ELP4: variants seen among roughly 807,000 people sequenced by gnomAD.
The protein encoded by ELP4 is elongator acetyltransferase complex subunit 4.
A neutral mutation model predicts 48.9 loss-of-function variants in ELP4; 51 were observed. The observed-to-expected ratio is 1.04, with a 90% CI of 0.83 to 1.32. The LOEUF (loss-of-function observed/expected upper bound fraction) is 1.32, where lower values mean the gene tolerates loss of function less well. Among genes scored for constraint, ELP4 ranks in the 40% most tolerant of loss-of-function variants. ELP4 has a pLI of 0.00. For synonymous variants in ELP4, 210 were observed against 189.2 expected, an observed-to-expected ratio of 1.11 and a Z score of -0.90; for missense variants, 519 against 514.6, an observed-to-expected ratio of 1.01 and a Z score of -0.08.
intron 9 of ELP4, among the ~76,000 whole-genome samples, chr11:31,748,044 C>G (rs1293072590): frequency 6.6e-6 from 1 of 152,102 alleles, no homozygotes; most frequent in Non-Finnish European, 1.5e-5. Context: ...ATATGCAAAA[C>G]AGAATATTTT....
chr11:31,689,332 C>T (rs1225005346), intron 9 of ELP4: 1 of 151,540 alleles, frequency 6.6e-6, no homozygotes, highest in East Asian at 1.9e-4. Flanking sequence ...GTCCCATCTA[C>T]TCAGAAGGCT....
chr11:31,702,498 A>G (rs1256239165), intron 9 of ELP4, among the ~76,000 whole-genome samples: 1 of 152,114 alleles, frequency 6.6e-6, no homozygotes, highest in African/African-American at 2.4e-5. Context: ...TTAAATGTAC[A>G]GTTCAGTACT....
chr11:31,584,401 G>A (rs1321510359), intron 3 of ELP4, among the ~76,000 whole-genome samples: 1 of 151,962 alleles, frequency 6.6e-6, no homozygotes, highest in Non-Finnish European at 1.5e-5. Context: ...ATTATTAGCA[G>A]TAACATTAAT....
chr11:31,584,687 G>T (rs183935226), intron 3 of ELP4, among the ~76,000 whole-genome samples: 4 of 151,826 alleles, frequency 2.6e-5, no homozygotes, highest in Non-Finnish European at 5.9e-5. Context: ...GCCATTTTTT[G>T]TATTTTTTTG....
intron 2 of ELP4, among the ~76,000 whole-genome samples, chr11:31,534,469 C>T (rs1956467484): frequency 6.6e-6 from 1 of 152,010 alleles, no homozygotes; most frequent in South Asian, 2.1e-4. Flanking sequence ...CTAAAAGCTG[C>T]ATGAAAAGTC....
chr11:31,541,906 A>G (rs1956596865), intron 3 of ELP4, among the ~76,000 whole-genome samples: 1 of 152,376 alleles, frequency 6.6e-6, no homozygotes, highest in Non-Finnish European at 1.5e-5. Context: ...AGACTTAGTC[A>G]TACAATAATT....
intron 3 of ELP4, among the ~76,000 whole-genome samples, chr11:31,570,145 T>C (rs1300674232): frequency 6.6e-6 from 1 of 152,096 alleles, no homozygotes; most frequent in Non-Finnish European, 1.5e-5. Flanking sequence ...ATAAAGAAAA[T>C]GTAATACATA....
chr11:31,647,202 T>G (rs1033817463), intron 7 of ELP4: 1 of 151,780 alleles, frequency 6.6e-6, no homozygotes, highest in African/African-American at 2.4e-5. Flanking sequence ...CTAGCCATGT[T>G]GCAGTCTCTT....
intron 9 of ELP4, among the ~76,000 whole-genome samples, chr11:31,661,073 A>G (rs1945545496): frequency 6.6e-6 from 1 of 152,094 alleles, no homozygotes; most frequent in Admixed American, 6.6e-5. Flanking sequence ...ATAATGAAAT[A>G]TATTTGTTCA....
At chr11:31,606,167 T>C (rs1009912135) in intron 5 of ELP4, among the ~76,000 whole-genome samples, 5 of 152,178 alleles carry the variant, frequency 3.3e-5, no homozygotes, top group African/African-American at 1.2e-4. Context: ...TAACTGATAA[T>C]TCATTTATTT....
At chr11:31,525,445 C>A (rs1956281696) in intron 2 of ELP4, among the ~76,000 whole-genome samples, 1 of 151,832 alleles carries the variant, frequency 6.6e-6, no homozygotes, top group Admixed American at 6.6e-5. Context: ...ATATAACATG[C>A]CGATATAAGG....
chr11:31,637,691 G>C (rs1433112419), intron 7 of ELP4, among the ~76,000 whole-genome samples: 1 of 151,894 alleles, frequency 6.6e-6, no homozygotes, highest in Non-Finnish European at 1.5e-5. Flanking sequence ...AGCAAGATAT[G>C]AAACAATAAT....
chr11:31,711,133 A>G (rs1311911374), intron 9 of ELP4, among the ~76,000 whole-genome samples: 3 of 152,226 alleles, frequency 2.0e-5, no homozygotes, highest in Non-Finnish European at 2.9e-5. Flanking sequence ...TTACGCTTGG[A>G]TGATACATAA....
At chr11:31,682,116 C>A in intron 9 of ELP4, 1 of 1,214,128 alleles carries the variant, frequency 8.2e-7, no homozygotes. Context: ...TCTGTAATGT[C>A]AGCGTCCCAT....
chr11:31,677,209 C>T (rs1945944116), intron 9 of ELP4, among the ~76,000 whole-genome samples: 1 of 152,138 alleles, frequency 6.6e-6, no homozygotes, highest in South Asian at 2.1e-4. Flanking sequence ...TGAGTGTGTC[C>T]CATGGTCATC....
intron 9 of ELP4, chr11:31,767,693 CCTTTAA>C (rs1452848350): frequency 2.0e-5 from 3 of 151,922 alleles, no homozygotes; most frequent in African/African-American, 7.3e-5. Context: ...TGCATCATTT[CCTTTAA>C]CTTTATTTCC....
At chr11:31,763,852 CTT>C (rs1461048161) in intron 9 of ELP4, among the ~76,000 whole-genome samples, 1 of 151,426 alleles carries the variant, frequency 6.6e-6, no homozygotes, top group Non-Finnish European at 1.5e-5. Flanking sequence ...TTTTCCAAGT[CTT>C]TTGTGTAGGT....
intron 3 of ELP4, among the ~76,000 whole-genome samples, chr11:31,548,526 G>A (rs1956777641): frequency 6.6e-6 from 1 of 152,138 alleles, no homozygotes; most frequent in Non-Finnish European, 1.5e-5. Context: ...CTCATGGGTA[G>A]GAAGAATCAA....
intron 3 of ELP4, among the ~76,000 whole-genome samples, chr11:31,550,761 A>G (rs1354107150): frequency 1.3e-5 from 2 of 152,080 alleles, no homozygotes; most frequent in African/African-American, 4.8e-5. Context: ...TTTCCCAGAC[A>G]TTTTTTTCTG....
Sources: allele counts gnomAD v4.1 joint callset (sites outside exome capture counted in the v4.1 genomes callset), GRCh38; gene constraint gnomAD v4.1.1; transcripts MANE v1.5; gene names NCBI Gene and HGNC (gene_info 2026-07-23, HGNC 2026-07-21).